The following SYNE1 variants were observed in gnomAD, a reference collection of about 807,000 sequenced individuals.
SYNE1 encodes the protein nesprin-1.
Under a neutral mutation model 1,111.0 loss-of-function variants are expected in SYNE1, and 616 were observed. That is an observed-to-expected ratio of 0.55 (90% CI 0.52 to 0.59). The LOEUF is 0.59. SYNE1 is among the 20% of genes least tolerant of loss of function. SYNE1 has a pLI of 0.00. For missense variants in SYNE1, 10,006 were observed against 10,417.0 expected (o/e 0.96, Z 1.72); for synonymous variants, 3,855 against 3,825.8 (o/e 1.01, Z -0.28).
chr6:152,345,449 AT>A (rs1004659978), intron 73 of SYNE1, among the ~76,000 whole-genome samples: 31 of 151,070 alleles, frequency 2.1e-4, no homozygotes, highest in Non-Finnish European at 3.4e-4. Context: ...TTTGAAGGTG[AT>A]TTTTTTTTAA....
At chr6:152,274,609 T>C (rs919157503) in intron 98 of SYNE1, among the ~76,000 whole-genome samples, 4 of 152,188 alleles carry the variant, frequency 2.6e-5, no homozygotes, top group African/African-American at 9.7e-5. Flanking sequence ...TACTTATTCA[T>C]TTTTGAGATG....
At chr6:152,231,061 A>ATT (rs2082657469) in intron 114 of SYNE1, among the ~76,000 whole-genome samples, 1 of 152,222 alleles carries the variant, frequency 6.6e-6, no homozygotes, top group African/African-American at 2.4e-5. Flanking sequence ...GGCAAGCTTG[A>ATT]TTTAATAAAT....
chr6:152,509,682 A>T (rs1444874641), intron 8 of SYNE1, among the ~76,000 whole-genome samples: 1 of 152,228 alleles, frequency 6.6e-6, no homozygotes. Flanking sequence ...TGACAAAAAA[A>T]TCTACACTCT....
intron 3 of SYNE1, among the ~76,000 whole-genome samples, chr6:152,611,525 T>C (rs1403612115): frequency 6.6e-6 from 1 of 152,104 alleles, no homozygotes; most frequent in African/African-American, 2.4e-5. Flanking sequence ...CAAAGAGACT[T>C]AGACTCCCAC....
At chr6:152,558,790 G>A (rs1203266860) in intron 3 of SYNE1, among the ~76,000 whole-genome samples, 1 of 152,034 alleles carries the variant, frequency 6.6e-6, no homozygotes, top group Non-Finnish European at 1.5e-5. Context: ...CATCCTGACA[G>A]AAACTCAACA....
At chr6:152,164,073 C>T in intron 131 of SYNE1, 90 bp downstream of exon 131, 2 of 1,564,718 alleles carry the variant, frequency 1.3e-6, no homozygotes, top group African/African-American at 2.7e-5. Flanking sequence ...CCTTCCATCT[C>T]CAGGCACCAT....
chr6:152,429,503 T>C (rs1263874025), intron 36 of SYNE1, among the ~76,000 whole-genome samples: 1 of 152,224 alleles, frequency 6.6e-6, no homozygotes, highest in Non-Finnish European at 1.5e-5. Flanking sequence ...TGTTTTCTAT[T>C]ACATACACCT....
chr6:152,135,526 C>T (rs2056864159), intron 141 of SYNE1, among the ~76,000 whole-genome samples: 1 of 152,246 alleles, frequency 6.6e-6, no homozygotes, highest in Non-Finnish European at 1.5e-5. Context: ...AAGGAAGCAA[C>T]TCTGCTGCCC....
chr6:152,587,808 T>C (rs2099545282), intron 3 of SYNE1, among the ~76,000 whole-genome samples: 1 of 152,130 alleles, frequency 6.6e-6, no homozygotes, highest in Admixed American at 6.5e-5. Flanking sequence ...TATTGGAAAA[T>C]CCAGGATAGC....
chr6:152,362,386 T>C (rs1398642102), intron 63 of SYNE1, 63 bp from the exon 64 acceptor site: 1 of 1,606,998 alleles, frequency 6.2e-7, no homozygotes, highest in Non-Finnish European at 8.5e-7. Flanking sequence ...TAAAATGTCA[T>C]TGTGTCTGCT....
Position 152,398,712 on chromosome 6 carries a change from T to C in SYNE1, c.7257A>G (p.Gln2419=), listed in dbSNP as rs757484920. 6.2e-7 allele frequency: 1 copy of C among 1,613,860 alleles called. No homozygotes were observed. The highest frequency in any genetic ancestry group is 1.7e-5 in the Admixed American group (1 of 60,002). ...KHFSESMQEF[Q]EWFLGAKAAA... is the part of the protein sequence containing the mutation. The stretch of plus-strand genomic sequence containing the variant: ...CTGCCTTTGCTCCCAAAAACCATTC[T>C]TGGAATTCCTGCATAGACTCTTTTG... Residue 2419 remains glutamine (Q), a synonymous_variant, in exon 49 of 146, where the codon CAA becomes CAG. Transcript: ENST00000367255.
At chr6:152,560,877 TA>T (rs923493207) in intron 3 of SYNE1, among the ~76,000 whole-genome samples, 7 of 152,114 alleles carry the variant, frequency 4.6e-5, no homozygotes, top group African/African-American at 1.7e-4. Flanking sequence ...ATTTTATGAT[TA>T]AAAACTCAAA....
intron 63 of SYNE1, 24 bp downstream of exon 63, chr6:152,364,823 G>T: frequency 6.2e-7 from 1 of 1,614,094 alleles, no homozygotes; most frequent in Non-Finnish European, 8.5e-7. Flanking sequence ...AGCTTCCCCA[G>T]TGCTTGGCTG....
At position 152,151,574 on chromosome 6, in the gene SYNE1, T is replaced by A. The variant is rs775617906; in HGVS notation, c.24429A>T (p.Gln8143His). 1.8e-5 allele frequency: 29 copies of A among 1,614,010 alleles called. No individual in the cohort carries two copies. The highest frequency in any genetic ancestry group is 2.4e-5 in the Non-Finnish European group (28 of 1,180,028). ...TTACCTTGAGTTGCTTTATTTTAGCTTGAACATCACACTCAGAAAAATGTT... is the reference window on the plus strand; with the variant it reads ...TTACCTTGAGTTGCTTTATTTTAGCATGAACATCACACTCAGAAAAATGTT... ...NIEHFSECDVQAKIKQLKAFQ... is the reference protein window; with the variant it reads ...NIEHFSECDVHAKIKQLKAFQ... The change falls in exon 135 of 146, where the codon CAA becomes CAT. Residue 8143 changes from glutamine (Q) to histidine (H), a missense_variant. Gln to His is a conservative substitution (Grantham distance 24, BLOSUM62 0). Transcript: ENST00000367255.
chr6:152,282,242 C>T (rs886390225), intron 96 of SYNE1, among the ~76,000 whole-genome samples: 1 of 152,016 alleles, frequency 6.6e-6, no homozygotes, highest in African/African-American at 2.4e-5. Flanking sequence ...AATAACATAC[C>T]TATAGGACCA....
Position 152,293,644 on chromosome 6 carries a change from G to A in SYNE1, c.17956C>T (p.Leu5986Phe), listed in dbSNP as rs1044162044. Residue 5986 changes from leucine (L) to phenylalanine (F), a missense_variant, in exon 95 of 146, where the codon CTC becomes TTC. Physicochemically the swap from Leu to Phe is conservative, Grantham distance 22. Around this residue, in one of 7 missense-constraint regions of SYNE1, gnomAD observed 4,955 missense variants for 5,017.2 expected, o/e 0.99. Transcript: ENST00000367255. ...CTGCCAGGCTCTGGGCTCTCACTGA[G>A]TTTCAGCTCAATGGCCTCCATCTTC... ...STKMEAIELK[L>F]SESPEPGRSP... 1 of 1,614,138 alleles carries A rather than the reference G, an allele frequency of 6.2e-7. No individual in the cohort carries two copies. The highest frequency in any genetic ancestry group is 8.5e-7 in the Non-Finnish European group (1 of 1,180,028).
chr6:152,308,180 CAG>C (rs944234313), intron 91 of SYNE1, among the ~76,000 whole-genome samples: 1 of 151,980 alleles, frequency 6.6e-6, no homozygotes, highest in African/African-American at 2.4e-5. Context: ...GCATTAAAAA[CAG>C]GGTATGGACT....
intron 6 of SYNE1, among the ~76,000 whole-genome samples, chr6:152,518,461 C>G (rs1441464084): frequency 6.6e-6 from 1 of 151,952 alleles, no homozygotes; most frequent in African/African-American, 2.4e-5. Flanking sequence ...TGCTCCTGCT[C>G]TGGCCATGTG....
intron 3 of SYNE1, among the ~76,000 whole-genome samples, chr6:152,613,627 A>G (rs542424812): frequency 9.2e-5 from 14 of 152,326 alleles, no homozygotes; most frequent in African/African-American, 2.2e-4. Flanking sequence ...CAGAATTGAA[A>G]AAAACTACTT....
Sources: allele counts gnomAD v4.1 joint callset (sites outside exome capture counted in the v4.1 genomes callset), GRCh38; gene constraint gnomAD v4.1.1; regional missense constraint gnomAD v4.1.1; transcripts MANE v1.5; gene names NCBI Gene and HGNC (gene_info 2026-07-23, HGNC 2026-07-21).